The following CRIPT variants were observed in gnomAD, a reference collection of about 807,000 sequenced individuals.
CRIPT encodes cysteine-rich PDZ-binding protein.
Under a neutral mutation model 16.6 loss-of-function variants are expected in CRIPT, and 20 were observed. The observed-to-expected ratio is 1.20, with a 90% CI of 0.85 to 1.75. The LOEUF (loss-of-function observed/expected upper bound fraction) is 1.75. CRIPT is among the 40% of genes most tolerant of loss of function. CRIPT has a pLI of 0.00. For missense variants in CRIPT, 133 were observed against 115.3 expected, an observed-to-expected ratio of 1.15 and a Z score of -0.70; for synonymous variants, 42 against 37.0, an observed-to-expected ratio of 1.14 and a Z score of -0.49.
rs1419650954 is a variant in CRIPT at position 46,629,038 on chromosome 2, T to G, written c.*4811T>G. 6.6e-6 allele frequency among the ~76,000 whole-genome samples: 1 copy of G among 152,230 alleles called. No individual in the cohort carries two copies. The highest frequency in any genetic ancestry group is 6.5e-5 in the Admixed American group (1 of 15,272). On this transcript the variant is annotated 3_prime_UTR_variant, in exon 5 of 5. Transcript: ENST00000238892. ...AACAAATGCCAATAGAACACTTAAG[T>G]ACATTTTATATATTCATCCATTAGA...
intron 3 of CRIPT, 56 bp downstream of exon 3, chr2:46,619,737 T>A: frequency 7.5e-7 from 1 of 1,340,818 alleles, no homozygotes; most frequent in Non-Finnish European, 1.1e-6. Context: ...TAGTATTAAG[T>A]CTGCTGGAGT....
Position 46,625,579 on chromosome 2 carries a change from G to C in CRIPT, c.*1352G>C, listed in dbSNP as rs951485394. 6.6e-6 allele frequency: 1 copy of C among 151,922 alleles called. No individual in the cohort carries two copies. Among genetic ancestry groups the C allele is most frequent in the African/African-American group, 2.4e-5 (1 of 41,360 alleles). The allele number at this position is 151,922 out of a possible 1,614,324, so 9.4% of individuals were successfully genotyped here. On this transcript the variant is annotated 3_prime_UTR_variant, in exon 5 of 5. Coordinates refer to ENST00000238892, the MANE Select transcript of CRIPT (RefSeq NM_014171.6). ...GTATAGAAAGTGTGATGAGATACATGAATGGCATTTTTATTGGTCATAACA... is the reference window on the plus strand; with the variant it reads ...GTATAGAAAGTGTGATGAGATACATCAATGGCATTTTTATTGGTCATAACA...
intron 3 of CRIPT, among the ~76,000 whole-genome samples, chr2:46,620,471 T>G (rs1297305624): frequency 6.6e-6 from 1 of 151,908 alleles, no homozygotes; most frequent in South Asian, 2.1e-4. Flanking sequence ...TCGTGAACCC[T>G]TTCATCTGCC....
rs906243026 is a variant in CRIPT, at chr2:46,628,557, A to G, written c.*4330A>G. 1.2e-4 allele frequency among the ~76,000 whole-genome samples: 19 copies of G among 152,160 alleles called. No homozygotes were observed. The highest frequency in any genetic ancestry group is 1.8e-4 in the Non-Finnish European group (12 of 68,038). On this transcript the variant is annotated 3_prime_UTR_variant, in exon 5 of 5. Transcript: ENST00000238892. ...GAATGTTTTTCCATTTGTTTGTGTC[A>G]TCTCTGATTTCTTTCAGCGTGTTTT...
In CRIPT at chr2:46,630,016, G is replaced by A. The variant is rs559793850; in HGVS notation, c.*5789G>A. 2.6e-5 allele frequency among the ~76,000 whole-genome samples: 4 copies of A among 151,920 alleles called. No homozygotes were observed. The highest frequency in any genetic ancestry group is 1.9e-4 in the East Asian group (1 of 5,172). On this transcript the variant is annotated 3_prime_UTR_variant, in exon 5 of 5. Coordinates refer to ENST00000238892, the MANE Select transcript of CRIPT (RefSeq NM_014171.6). ...GAGGTTTCCCTTTATCATCAACTTC[G>A]AGTAAGTACTTTTTTCTGAGCCATT... is the stretch of plus-strand genomic sequence containing the variant.
In CRIPT at chr2:46,624,344, G is replaced by T. The variant is rs1644393245; in HGVS notation, c.*117G>T. ...TTAAGATAATTAAGTTTAAACCAGAGAATTTGATTGTTACTCATTTTGCTC... is the reference window on the plus strand; with the variant it reads ...TTAAGATAATTAAGTTTAAACCAGATAATTTGATTGTTACTCATTTTGCTC... On this transcript the variant is annotated 3_prime_UTR_variant, in exon 5 of 5. Coordinates refer to ENST00000238892, the MANE Select transcript of CRIPT (RefSeq NM_014171.6). The T allele has an allele frequency of 1.4e-5, 8 of 554,036 alleles. No homozygotes were observed. Among genetic ancestry groups the T allele is most frequent in the Admixed American group, 3.6e-5 (1 of 28,150 alleles). The allele number at this position is 554,036 out of a possible 1,614,324, so 34.3% of individuals were successfully genotyped here.
chr2:46,619,610 C>T lies in CRIPT; in HGVS notation c.83-17C>T, dbSNP rs778206730. On this transcript the variant is annotated splice_polypyrimidine_tract_variant and intron_variant, in intron 2 of 4. Coordinates refer to ENST00000238892, the MANE Select transcript of CRIPT (RefSeq NM_014171.6). ...GTATAGAAATAACCCACTAAAATAT[C>T]TTTTATTCTGATACAGAAAGTGGTG... 9 of 1,586,888 alleles carry T rather than the reference C, an allele frequency of 5.7e-6. No homozygotes were observed. In the East Asian group the frequency reaches 2.0e-4, roughly 36 times the overall value.
chr2:46,622,324 T>A (rs1483952699), intron 3 of CRIPT, among the ~76,000 whole-genome samples: 4 of 150,050 alleles, frequency 2.7e-5, no homozygotes, highest in Admixed American at 2.7e-4. Context: ...GAGCCGAGAT[T>A]GCGCCACTGC....
rs932713736 is a variant in CRIPT, at chr2:46,628,058, T to G, written c.*3831T>G. Among the ~76,000 whole-genome samples, 2 of 152,116 alleles carry G rather than the reference T, an allele frequency of 1.3e-5. No homozygotes were observed. The highest frequency in any genetic ancestry group is 6.6e-5 in the Admixed American group (1 of 15,262). ...GTAATGTGATACCTCAGCTTTGTTT[T>G]ATTTGCTTAGGATTGATTTTTTGGT... On this transcript the variant is annotated 3_prime_UTR_variant, in exon 5 of 5. Coordinates refer to ENST00000238892, the MANE Select transcript of CRIPT (RefSeq NM_014171.6).
In CRIPT at chr2:46,619,767, C is replaced by G. The variant is rs1282234853; in HGVS notation, c.137+86C>G. On this transcript the variant is annotated intron_variant, in intron 3 of 4. Transcript: ENST00000238892. Reference sequence around the variant, plus strand: ...TGGAGTGAATTTGATGTGCATCATTCCATTTGCAATAAAACAGAGTTAGGT... The same window carrying G: ...TGGAGTGAATTTGATGTGCATCATTGCATTTGCAATAAAACAGAGTTAGGT... 3 of 1,016,216 alleles carry G rather than the reference C, an allele frequency of 3.0e-6. No homozygotes were observed. The African/African-American group carries it at 4.9e-5, about 16-fold the overall frequency. 62.9% of individuals were successfully genotyped at this position (1,016,216 alleles called of 1,614,324 possible). A position where few individuals can be genotyped will look rare whatever the true frequency, so the allele number is the denominator to read the frequency against.
chr2:46,622,631 T>A (rs1670839756), intron 3 of CRIPT, among the ~76,000 whole-genome samples: 1 of 151,780 alleles, frequency 6.6e-6, no homozygotes, highest in African/African-American at 2.4e-5. Context: ...CTGACCAACA[T>A]GGAGAAACCC....
rs1227375848 is a variant in CRIPT at position 46,625,000 on chromosome 2, A to G, written c.*773A>G. The G allele has an allele frequency of 9.1e-6, 1 of 110,238 alleles. No individual in the cohort carries two copies. Among genetic ancestry groups the G allele is most frequent in the Non-Finnish European group, 1.8e-5 (1 of 56,036 alleles). 6.8% of individuals were successfully genotyped at this position (110,238 alleles called of 1,614,324 possible). On this transcript the variant is annotated 3_prime_UTR_variant, in exon 5 of 5. Coordinates refer to ENST00000238892, the MANE Select transcript of CRIPT (RefSeq NM_014171.6). ...ACCAAACTTTTTTTTTTTTTTTTTT[A>G]CCTCCTGTCTTGCCCCCTAAAAGAA...
Position 46,618,826 on chromosome 2 carries a change from A to G in CRIPT, c.70A>G (p.Arg24Gly). The G allele has an allele frequency of 6.2e-7, 1 of 1,601,792 alleles. No individual in the cohort carries two copies. The highest frequency in any genetic ancestry group is 8.5e-7 in the Non-Finnish European group (1 of 1,171,312). ...TCCAGATACATGGAAAGATGGTGCTAGGAATACCACAGGTATTTCTTCTTT... is the reference window on the plus strand; with the variant it reads ...TCCAGATACATGGAAAGATGGTGCTGGGAATACCACAGGTATTTCTTCTTT... ...ITPDTWKDGA[R>G]NTTESGGRKL... is the part of the protein sequence containing the mutation. Residue 24 changes from arginine to glycine, a missense_variant, in exon 2 of 5, where the codon AGG becomes GGG. By Grantham distance (125) the Arg-to-Gly change is moderately radical. Transcript: ENST00000238892.
Position 46,629,132 on chromosome 2 carries a change from C to T in CRIPT, c.*4905C>T, listed in dbSNP as rs1671012181. On this transcript the variant is annotated 3_prime_UTR_variant, in exon 5 of 5. Coordinates refer to ENST00000238892, the MANE Select transcript of CRIPT (RefSeq NM_014171.6). ...AAAGTTTTTGTATCCATGTGGAAAA[C>T]ACAGGAAGCTAATAGTACTGTTTTT... is the stretch of plus-strand genomic sequence containing the variant. Among the ~76,000 whole-genome samples the T allele has an allele frequency of 6.6e-6, 1 of 152,080 alleles. No homozygotes were observed. Among genetic ancestry groups the T allele is most frequent in the African/African-American group, 2.4e-5 (1 of 41,432 alleles).
In CRIPT at chr2:46,626,377, A is replaced by G. The variant is rs1243248863; in HGVS notation, c.*2150A>G. On this transcript the variant is annotated 3_prime_UTR_variant, in exon 5 of 5. Coordinates refer to ENST00000238892, the MANE Select transcript of CRIPT (RefSeq NM_014171.6). ...TTGATTCTGTGTCTTTGCTGTTGTG[A>G]ATAGTGCTGTGATGAATATGTGAGT... 6.6e-6 allele frequency among the ~76,000 whole-genome samples: 1 copy of G among 152,202 alleles called. No individual in the cohort carries two copies. Among genetic ancestry groups the G allele is most frequent in the Non-Finnish European group, 1.5e-5 (1 of 68,042 alleles).
chr2:46,623,978 C>G (rs1257480538), intron 4 of CRIPT, 111 bp downstream of exon 4: 2 of 684,734 alleles, frequency 2.9e-6, no homozygotes, highest in African/African-American at 3.7e-5. Context: ...CAAACACTCT[C>G]TTTATCCTAA....
chr2:46,621,221 A>G (rs1382634370), intron 3 of CRIPT, among the ~76,000 whole-genome samples: 9 of 152,036 alleles, frequency 5.9e-5, no homozygotes. Flanking sequence ...GCCCCCTACC[A>G]TGTTCTTACA....
rs372168750 is a variant in CRIPT, at chr2:46,621,634, T to C, written c.137+1953T>C. Among the ~76,000 whole-genome samples the C allele has an allele frequency of 4.9e-4, 75 of 152,374 alleles. 1 individual carries two copies. The highest frequency in any genetic ancestry group is 1.7e-3 in the African/African-American group (70 of 41,580). ...GAGGGCAAGGGCTTTGCCTATCATG[T>C]TCATCTTTGGTATTTAGAACAGTAA... is the stretch of plus-strand genomic sequence containing the variant. On this transcript the variant is annotated intron_variant, in intron 3 of 4. Transcript: ENST00000238892.
rs762465014 is a variant in CRIPT, at chr2:46,626,022, T to G, written c.*1795T>G. 6.6e-6 allele frequency among the ~76,000 whole-genome samples: 1 copy of G among 152,126 alleles called. No individual in the cohort carries two copies. Among genetic ancestry groups the G allele is most frequent in the Non-Finnish European group, 1.5e-5 (1 of 68,026 alleles). On this transcript the variant is annotated 3_prime_UTR_variant, in exon 5 of 5. Transcript: ENST00000238892. ...TGGGTATATTTTGTGATGCTGAGGT[T>G]TGGGGTACAAATGATCCTGTCACCC...
Sources: gnomAD v4.1 joint callset for allele counts (sites outside exome capture counted in the v4.1 genomes callset) on GRCh38, gnomAD v4.1.1 for gene constraint, MANE v1.5 for transcripts, NCBI Gene and HGNC (gene_info 2026-07-23, HGNC 2026-07-21) for gene names.